SC5D: variants seen among roughly 807,000 people sequenced by gnomAD.
The protein encoded by SC5D is lathosterol oxidase.
Under a neutral mutation model 23.9 loss-of-function variants are expected in SC5D, and 21 were observed. The ratio of observed to expected loss-of-function variants is 0.88; its 90% CI spans 0.62 to 1.26. The LOEUF is 1.26. SC5D is among the 50% of genes most tolerant of loss of function. The pLI is 0.00. For missense variants in SC5D, 309 were observed against 364.8 expected (o/e 0.85, Z 1.25); for synonymous variants, 113 against 125.9 (o/e 0.90, Z 0.68).
chr11:121,306,738 C>T, intron 4 of SC5D: 1 of 628,276 alleles, frequency 1.6e-6, no homozygotes, highest in Non-Finnish European at 2.9e-6. Context: ...TTAGAGACTC[C>T]AGAAGGTGGG....
At chr11:121,303,198 A>G (rs559604462) in intron 1 of SC5D, among the ~76,000 whole-genome samples, 168 bp from the exon 2 acceptor site, 1 of 152,328 alleles carries the variant, frequency 6.6e-6, no homozygotes, top group African/African-American at 2.4e-5. Context: ...GATGATATCT[A>G]AGATCCCTTC....
rs1259052058 is a variant in SC5D at position 121,312,101 on chromosome 11, T to C, written c.*4589T>C. 6.6e-6 allele frequency among the ~76,000 whole-genome samples: 1 copy of C among 152,228 alleles called. No homozygotes were observed. The highest frequency in any genetic ancestry group is 1.5e-5 in the Non-Finnish European group (1 of 68,014). On this transcript the variant is annotated 3_prime_UTR_variant, in exon 5 of 5. Transcript: ENST00000264027. ...AAATGCATCACTTTGTGTGTTTTTA[T>C]ATTGCTAAAACCATAAGGCCAGTCT... is the stretch of plus-strand genomic sequence containing the variant.
intron 1 of SC5D, among the ~76,000 whole-genome samples, chr11:121,297,937 A>T (rs1947900666): frequency 6.6e-6 from 1 of 152,220 alleles, no homozygotes; most frequent in Admixed American, 6.5e-5. Flanking sequence ...CTTTCTAGAC[A>T]GCTCTTTTAT....
At chr11:121,306,705 A>C in intron 4 of SC5D, 1 of 663,970 alleles carries the variant, frequency 1.5e-6, no homozygotes, top group Non-Finnish European at 2.7e-6. Flanking sequence ...GTACACATGG[A>C]CTTACAGAGG....
intron 1 of SC5D, among the ~76,000 whole-genome samples, chr11:121,299,604 T>A (rs1292003616): frequency 6.6e-6 from 1 of 152,236 alleles, no homozygotes; most frequent in South Asian, 2.1e-4. Flanking sequence ...AAATATTTGA[T>A]ATGAGCTGGT....
In SC5D at chr11:121,312,869, T is replaced by C. The variant is rs576690007; in HGVS notation, c.*5357T>C. Among the ~76,000 whole-genome samples the C allele has an allele frequency of 2.7e-4, 41 of 152,162 alleles. No individual in the cohort carries two copies. Among genetic ancestry groups the C allele is most frequent in the Non-Finnish European group, 5.9e-4 (40 of 68,004 alleles). On this transcript the variant is annotated 3_prime_UTR_variant, in exon 5 of 5. Transcript: ENST00000264027. ...TGAAACAAATAGAAACCTAGAAATT[T>C]AGTGCATATTCAAATATTAAGACAG...
chr11:121,310,294 G>C lies in SC5D; in HGVS notation c.*2782G>C, dbSNP rs548320279. 6.6e-6 allele frequency among the ~76,000 whole-genome samples: 1 copy of C among 152,166 alleles called. No homozygotes were observed. Among genetic ancestry groups the C allele is most frequent in the Non-Finnish European group, 1.5e-5 (1 of 68,020 alleles). On this transcript the variant is annotated 3_prime_UTR_variant, in exon 5 of 5. Coordinates refer to ENST00000264027, the MANE Select transcript of SC5D (RefSeq NM_006918.5). ...ACTAACCAACTTGAGGGGTGCAGTG[G>C]TCTGAATGTGTCCTCCAAAATTCAA...
intron 3 of SC5D, chr11:121,305,214 C>T (rs1317350557): frequency 1.3e-5 from 2 of 149,586 alleles, no homozygotes; most frequent in Non-Finnish European, 3.0e-5. Flanking sequence ...AAGCAAGAAT[C>T]ATAGTATTTA....
chr11:121,301,144 ACTCT>A (rs1211590829), intron 1 of SC5D, among the ~76,000 whole-genome samples: 1 of 152,068 alleles, frequency 6.6e-6, no homozygotes, highest in African/African-American at 2.4e-5. Context: ...GTCAGTAGAA[ACTCT>A]CTCTCAGAAA....
At chr11:121,293,494 A>G (rs1269452530) in intron 1 of SC5D, among the ~76,000 whole-genome samples, 2 of 152,180 alleles carry the variant, frequency 1.3e-5, no homozygotes, top group African/African-American at 2.4e-5. Context: ...ACTGAAAGGA[A>G]AAGGGAAATA....
rs1273012398 is a variant in SC5D at position 121,306,370 on chromosome 11, C to T, written c.344-16C>T. The T allele has an allele frequency of 7.7e-7, 1 of 1,304,208 alleles. No individual in the cohort carries two copies. Among genetic ancestry groups the T allele is most frequent in the Non-Finnish European group, 1.1e-6 (1 of 899,812 alleles). The allele number at this position is 1,304,208 out of a possible 1,614,324, so 80.8% of individuals were successfully genotyped here. A position where few individuals can be genotyped will look rare whatever the true frequency, so the allele number is the denominator to read the frequency against. ...AGCTGAGTTTTGATTCTTCTGTTTC[C>T]CGTTTTCTTTTCTAGGATTGTTTGA... On this transcript the variant is annotated splice_polypyrimidine_tract_variant and intron_variant, in intron 3 of 4. Transcript: ENST00000264027.
rs2134273399 is a variant in SC5D, at chr11:121,310,140, A to C, written c.*2628A>C. 6.6e-6 allele frequency among the ~76,000 whole-genome samples: 1 copy of C among 152,304 alleles called. No individual in the cohort carries two copies. Among genetic ancestry groups the C allele is most frequent in the East Asian group, 1.9e-4 (1 of 5,188 alleles). On this transcript the variant is annotated 3_prime_UTR_variant, in exon 5 of 5. Coordinates refer to ENST00000264027, the MANE Select transcript of SC5D (RefSeq NM_006918.5). ...CAGTGCATGCAGGTTATTTATGTAG[A>C]GAGGAGGTCTGGGAGAAAGATGGAA... is the stretch of plus-strand genomic sequence containing the variant.
chr11:121,305,010 C>CA (rs1195453636), intron 3 of SC5D: 2 of 166,198 alleles, frequency 1.2e-5, no homozygotes, highest in African/African-American at 4.9e-5. Context: ...ATTTTCATGT[C>CA]AAAAAAATCT....
chr11:121,296,139 G>A lies in SC5D; in HGVS notation c.-11+3323G>A, dbSNP rs150862158. Among the ~76,000 whole-genome samples, 3 of 152,236 alleles carry A rather than the reference G, an allele frequency of 2.0e-5. No homozygotes were observed. In the East Asian group the frequency reaches 5.8e-4, roughly 29 times the overall value. ...TCCTACCTCAGCCTCCCAAAGTGCT[G>A]GGAATAAGCATTAGCCACTTCACCT... On this transcript the variant is annotated intron_variant, in intron 1 of 4. Transcript: ENST00000264027.
Position 121,308,558 on chromosome 11 carries a change from T to A in SC5D, c.*1046T>A, listed in dbSNP as rs1947985670. 1 of 152,644 alleles carries A rather than the reference T, an allele frequency of 6.6e-6. No homozygotes were observed. The allele number at this position is 152,644 out of a possible 1,614,324, so 9.5% of individuals were successfully genotyped here. On this transcript the variant is annotated 3_prime_UTR_variant, in exon 5 of 5. Coordinates refer to ENST00000264027, the MANE Select transcript of SC5D (RefSeq NM_006918.5). ...AAGGAAATGTGTGTTGTAACAAATA[T>A]ATTGCAAAAACATAGTTTGTAAAGG...
chr11:121,301,189 T>C (rs1468660896), intron 1 of SC5D, among the ~76,000 whole-genome samples: 1 of 152,074 alleles, frequency 6.6e-6, no homozygotes, highest in Non-Finnish European at 1.5e-5. Flanking sequence ...AGGCAAAGAC[T>C]CTAAATCAGC....
intron 1 of SC5D, among the ~76,000 whole-genome samples, chr11:121,296,013 T>C (rs1415726383): frequency 6.6e-6 from 1 of 152,202 alleles, no homozygotes; most frequent in Non-Finnish European, 1.5e-5. Flanking sequence ...GTCTCCCTGC[T>C]TCTCACCGAT....
At chr11:121,296,700 C>T (rs1423825103) in intron 1 of SC5D, among the ~76,000 whole-genome samples, 2 of 152,130 alleles carry the variant, frequency 1.3e-5, no homozygotes, top group Non-Finnish European at 2.9e-5. Flanking sequence ...TTTGTATGCT[C>T]ATTACCTAGT....
intron 1 of SC5D, among the ~76,000 whole-genome samples, chr11:121,296,270 A>G (rs1947888563): frequency 1.3e-5 from 2 of 152,108 alleles, no homozygotes; most frequent in Non-Finnish European, 2.9e-5. Flanking sequence ...AGCGTGTGAG[A>G]GAAAGTCCAA....
Sources: allele counts gnomAD v4.1 joint callset (sites outside exome capture counted in the v4.1 genomes callset), GRCh38; gene constraint gnomAD v4.1.1; transcripts MANE v1.5; gene names NCBI Gene and HGNC (gene_info 2026-07-23, HGNC 2026-07-21).